The following PNPLA8 variants were observed in gnomAD, a reference collection of about 807,000 sequenced individuals.
The protein encoded by PNPLA8 is calcium-independent phospholipase A2-gamma.
A neutral mutation model predicts 76.9 loss-of-function variants in PNPLA8; 39 were observed. That is an observed-to-expected ratio of 0.51 (90% CI 0.39 to 0.66). PNPLA8 has a LOEUF of 0.66. Ranked by LOEUF, PNPLA8 falls within the 30% of genes least tolerant of loss-of-function variation. The pLI, the probability that PNPLA8 is intolerant of heterozygous loss-of-function variation, is 0.00. For synonymous variants in PNPLA8, 301 were observed against 307.9 expected, an observed-to-expected ratio of 0.98 and a Z score of 0.24; for missense variants, 887 against 918.0, an observed-to-expected ratio of 0.97 and a Z score of 0.44.
chr7:108,511,535 T>G (rs1862933738), intron 4 of PNPLA8, among the ~76,000 whole-genome samples: 1 of 152,180 alleles, frequency 6.6e-6, no homozygotes, highest in Non-Finnish European at 1.5e-5. Context: ...CAAATAACAC[T>G]GAGAAGGAAG....
intron 10 of PNPLA8, among the ~76,000 whole-genome samples, chr7:108,476,510 GA>G (rs1427081498): frequency 6.6e-6 from 1 of 152,192 alleles, no homozygotes; most frequent in African/African-American, 2.4e-5. Context: ...AGGAACTGGG[GA>G]AAAGGAACCC....
intron 10 of PNPLA8, among the ~76,000 whole-genome samples, chr7:108,478,013 T>C (rs1860120605): frequency 6.6e-6 from 1 of 152,184 alleles, no homozygotes; most frequent in Non-Finnish European, 1.5e-5. Flanking sequence ...GCATTCTTGT[T>C]GGACAGAAGG....
intron 2 of PNPLA8, among the ~76,000 whole-genome samples, chr7:108,515,985 C>T (rs2154516826): frequency 6.6e-6 from 1 of 152,268 alleles, no homozygotes; most frequent in South Asian, 2.1e-4. Context: ...TTATTCATTG[C>T]AAACGATTTA....
At chr7:108,497,733 AT>A (rs1309316154) in intron 5 of PNPLA8, among the ~76,000 whole-genome samples, 156 bp from the exon 6 acceptor site, 1 of 152,124 alleles carries the variant, frequency 6.6e-6, no homozygotes, top group African/African-American at 2.4e-5. Flanking sequence ...GCCTGTCCAA[AT>A]TTTTAGTATT....
rs1336868562 is a variant in PNPLA8 at position 108,471,271 on chromosome 7, A to G, written c.*1130T>C. On this transcript the variant is annotated 3_prime_UTR_variant, in exon 11 of 11. Coordinates refer to ENST00000257694, the MANE Select transcript of PNPLA8 (RefSeq NM_001256007.3). Reference sequence around the variant, plus strand: ...CGCTGTGTCGCCTAGGCTGGAGTGCACTGGCGCTATTTGGCTCACTGCAAC... The same window carrying G: ...CGCTGTGTCGCCTAGGCTGGAGTGCGCTGGCGCTATTTGGCTCACTGCAAC... 1.4e-5 allele frequency: 2 copies of G among 138,284 alleles called. No individual in the cohort carries two copies. The highest frequency in any genetic ancestry group is 3.0e-5 in the Non-Finnish European group (2 of 66,484). 8.6% of individuals were successfully genotyped at this position (138,284 alleles called of 1,614,324 possible).
At chr7:108,490,698 G>A (rs1861095133) in intron 8 of PNPLA8, among the ~76,000 whole-genome samples, 1 of 151,234 alleles carries the variant, frequency 6.6e-6, no homozygotes, top group Non-Finnish European at 1.5e-5. Flanking sequence ...GCAGGAGAAT[G>A]GCGTGAGCCC....
intron 5 of PNPLA8, among the ~76,000 whole-genome samples, chr7:108,500,763 G>T (rs1343817559): frequency 6.6e-6 from 1 of 152,112 alleles, no homozygotes; most frequent in South Asian, 2.1e-4. Context: ...TACAAAAGTA[G>T]CTGGGTGTGG....
intron 2 of PNPLA8, among the ~76,000 whole-genome samples, chr7:108,520,082 G>C (rs1863632375): frequency 1.3e-5 from 2 of 152,082 alleles, no homozygotes; most frequent in South Asian, 4.1e-4. Context: ...GGCCCCACTG[G>C]GATATTTAAG....
intron 2 of PNPLA8, among the ~76,000 whole-genome samples, chr7:108,520,218 C>T (rs1863640806): frequency 6.6e-6 from 1 of 152,212 alleles, no homozygotes; most frequent in East Asian, 1.9e-4. Flanking sequence ...CCCTCGATCC[C>T]TACAAGGCTC....
chr7:108,494,228 T>C (rs1487658017), intron 7 of PNPLA8, among the ~76,000 whole-genome samples: 1 of 152,120 alleles, frequency 6.6e-6, no homozygotes, highest in Non-Finnish European at 1.5e-5. Context: ...ATTTAAACTT[T>C]TAGTATAAAG....
In PNPLA8 at chr7:108,514,614, C is replaced by T. The variant is rs754777953; in HGVS notation, c.878G>A (p.Arg293His). The T allele has an allele frequency of 2.7e-5, 43 of 1,613,780 alleles. No individual in the cohort carries two copies. The highest frequency in any genetic ancestry group is 1.6e-4 in the Middle Eastern group (1 of 6,084). ...TKQSIANFLS[R>H]PTEGVQALVG... ...TAAAGCTTGTACACCTTCCGTGGGA[C>T]GAGAAAGAAAGTTAGCAATACTTTG... The change falls in exon 3 of 11, where the codon CGT (arginine) becomes CAT (histidine). Residue 293 changes from arginine to histidine, a missense_variant. By Grantham distance (29) the Arg-to-His change is conservative. Transcript: ENST00000257694.
At chr7:108,486,740 G>C (rs1277320179) in intron 9 of PNPLA8, among the ~76,000 whole-genome samples, 2 of 152,070 alleles carry the variant, frequency 1.3e-5, no homozygotes, top group Non-Finnish European at 2.9e-5. Flanking sequence ...TGATCCATTA[G>C]AAAGTTTTGA....
chr7:108,487,563 AAT>A lies in PNPLA8; in HGVS notation c.1878+194_1878+195del, dbSNP rs374852316. On this transcript the variant is annotated intron_variant, in intron 9 of 10. Coordinates refer to ENST00000257694, the MANE Select transcript of PNPLA8 (RefSeq NM_001256007.3). ...ATATAAAACACAAAAACTTTCTTAAAATATGTTTGCATGTCAGAGGCTTGTTA... is the reference window on the plus strand; with the variant it reads ...ATATAAAACACAAAAACTTTCTTAAAATGTTTGCATGTCAGAGGCTTGTTA... Among the ~76,000 whole-genome samples the A allele has an allele frequency of 7.9e-5, 12 of 152,342 alleles. 1 individual carries two copies. The East Asian group carries it at 1.5e-3, about 20-fold the overall frequency.
Position 108,514,149 on chromosome 7 carries a change from C to T in PNPLA8, c.1201G>A (p.Val401Ile). ...TTAAATAAATTAGAAATTACCTTGA[C>T]AGCCACTCCTTTTCCTTCAGGAAAT... ...LEFPEGKGVA[V>I]KERIIPYLLR... The change falls in exon 4 of 11, where the codon GTC becomes ATC. Residue 401 changes from valine to isoleucine, a missense_variant. By Grantham distance (29) the Val-to-Ile change is conservative. Coordinates refer to ENST00000257694, the MANE Select transcript of PNPLA8 (RefSeq NM_001256007.3). The T allele has an allele frequency of 6.3e-7, 1 of 1,593,306 alleles. No homozygotes were observed. Among genetic ancestry groups the T allele is most frequent in the South Asian group, 1.1e-5 (1 of 88,330 alleles).
At chr7:108,492,979 G>A (rs1045435963) in intron 7 of PNPLA8, among the ~76,000 whole-genome samples, 4 of 152,176 alleles carry the variant, frequency 2.6e-5, no homozygotes, top group African/African-American at 7.2e-5. Flanking sequence ...ATGATGAGAC[G>A]AAGCTTGGGT....
chr7:108,478,860 T>C (rs1364342142), intron 10 of PNPLA8, among the ~76,000 whole-genome samples: 1 of 152,228 alleles, frequency 6.6e-6, no homozygotes, highest in Non-Finnish European at 1.5e-5. Context: ...TTTGAACAAA[T>C]CTGACTCCTT....
chr7:108,516,726 C>T lies in PNPLA8; in HGVS notation c.-83-1152G>A, dbSNP rs571725205. Among the ~76,000 whole-genome samples, 5 of 152,244 alleles carry T rather than the reference C, an allele frequency of 3.3e-5. No homozygotes were observed. The South Asian group carries it at 1.0e-3, about 32-fold the overall frequency. ...GACCAGCCTGGTCGGCATGGTGAAA[C>T]CCCATCTCTACCAAAAATACAAAAA... On this transcript the variant is annotated intron_variant, in intron 2 of 10. Transcript: ENST00000257694.
chr7:108,496,869 T>C, intron 6 of PNPLA8, 114 bp from the exon 7 acceptor site: 1 of 773,336 alleles, frequency 1.3e-6, no homozygotes, highest in Non-Finnish European at 2.0e-6. Context: ...TCTAGCTATG[T>C]CACCTGGGAC....
chr7:108,506,584 A>C (rs1324744074), intron 4 of PNPLA8, among the ~76,000 whole-genome samples: 4 of 152,192 alleles, frequency 2.6e-5, no homozygotes, highest in African/African-American at 9.7e-5. Context: ...TTTCCAAAAG[A>C]TATAACCCAG....
Sources: allele counts gnomAD v4.1 joint callset (sites outside exome capture counted in the v4.1 genomes callset), GRCh38; gene constraint gnomAD v4.1.1; transcripts MANE v1.5; gene names NCBI Gene and HGNC (gene_info 2026-07-23, HGNC 2026-07-21).